Variants in MYO9A observed in about 807,000 individuals in gnomAD.
MYO9A encodes unconventional myosin-IXa.
A neutral mutation model predicts 293.3 loss-of-function variants in MYO9A; 103 were observed. The observed-to-expected ratio is 0.35, with a 90% CI of 0.30 to 0.41. MYO9A has a LOEUF of 0.41. MYO9A is among the 10% of genes least tolerant of loss of function. The pLI, the probability that MYO9A is intolerant of heterozygous loss-of-function variation, is 1.00. For missense variants in MYO9A, 2,685 were observed against 3,033.0 expected (o/e 0.89, Z 2.69); for synonymous variants, 1,001 against 1,035.7 (o/e 0.97, Z 0.64).
chr15:71,849,073 A>AT (rs2055517953), intron 38 of MYO9A, 105 bp from the exon 39 acceptor site: 1 of 1,088,192 alleles, frequency 9.2e-7, no homozygotes, highest in Non-Finnish European at 1.3e-6. Context: ...GAAGGAAAAA[A>AT]TTAACATCCC....
chr15:72,084,289 T>A (rs2079644115), intron 1 of MYO9A, among the ~76,000 whole-genome samples: 1 of 152,222 alleles, frequency 6.6e-6, no homozygotes, highest in Non-Finnish European at 1.5e-5. Flanking sequence ...TAAATTGTTT[T>A]GTTTGAAATT....
At chr15:71,881,770 T>C (rs898361102) in intron 28 of MYO9A, among the ~76,000 whole-genome samples, 1 of 152,220 alleles carries the variant, frequency 6.6e-6, no homozygotes, top group Non-Finnish European at 1.5e-5. Flanking sequence ...AGTCTGCTTA[T>C]AATATGAATT....
At position 71,905,024 on chromosome 15, in the gene MYO9A, A is replaced by G. The variant is rs2057589792; in HGVS notation, c.2686-18T>C. The G allele has an allele frequency of 1.3e-6, 2 of 1,581,002 alleles. No homozygotes were observed. The highest frequency in any genetic ancestry group is 1.7e-6 in the Non-Finnish European group (2 of 1,156,290). On this transcript the variant is annotated intron_variant, in intron 19 of 41. Coordinates refer to ENST00000356056, the MANE Select transcript of MYO9A (RefSeq NM_006901.4). The stretch of plus-strand genomic sequence containing the variant: ...AATGATGCCTGCAACAGAAAGCAAT[A>G]TAATTATCATACTCTTCCATTCCAA...
chr15:71,929,222 GT>G (rs2058411248), intron 18 of MYO9A, among the ~76,000 whole-genome samples: 1 of 152,050 alleles, frequency 6.6e-6, no homozygotes, highest in African/African-American at 2.4e-5. Flanking sequence ...ACATTATGTT[GT>G]TGACAACCAC....
chr15:72,081,396 A>T (rs922496023), intron 1 of MYO9A, among the ~76,000 whole-genome samples: 1 of 151,988 alleles, frequency 6.6e-6, no homozygotes, highest in African/African-American at 2.4e-5. Flanking sequence ...TCCTTTACCC[A>T]CTTTTTAGCG....
chr15:72,014,739 GAGAAAGAAAGGAA>G (rs1031023853), intron 6 of MYO9A, among the ~76,000 whole-genome samples: 33 of 143,282 alleles, frequency 2.3e-4, no homozygotes, highest in African/African-American at 6.7e-4. Context: ...GAGAGAGAGA[GAGAAAGAAAGGAA>G]AGAAAGAAAG....
intron 6 of MYO9A, among the ~76,000 whole-genome samples, chr15:72,013,642 TA>T (rs1242415279): frequency 2.6e-5 from 4 of 152,166 alleles, no homozygotes; most frequent in Non-Finnish European, 5.9e-5. Context: ...GCTCTTTCTG[TA>T]AGGTGACACA....
At chr15:71,946,758 G>A (rs981767110) in intron 15 of MYO9A, among the ~76,000 whole-genome samples, 2 of 152,190 alleles carry the variant, frequency 1.3e-5, no homozygotes, top group Non-Finnish European at 2.9e-5. Context: ...TTTCCACATC[G>A]CAGAAAGTTC....
At position 71,850,043 on chromosome 15, in the gene MYO9A, T is replaced by C; in HGVS notation, c.6706A>G (p.Thr2236Ala). The C allele has an allele frequency of 6.2e-7, 1 of 1,613,970 alleles. No individual in the cohort carries two copies. The highest frequency in any genetic ancestry group is 8.5e-7 in the Non-Finnish European group (1 of 1,179,868). The change falls in exon 38 of 42, where the codon ACT becomes GCT. Residue 2236 changes from threonine to alanine, a missense_variant. Transcript: ENST00000356056. ...PLQSVQDISK[T>A]TTCVELIVVE... ...TATGGTAACTGGCCTTACGTGGTAG[T>C]CTTACTGATGTCCTGTACACTTTGT...
intron 24 of MYO9A, 141 bp from the exon 25 acceptor site, chr15:71,899,173 G>A: frequency 2.7e-6 from 2 of 749,954 alleles, no homozygotes; most frequent in Non-Finnish European, 4.2e-6. Flanking sequence ...TAACTTGAAT[G>A]CACATTTCAT....
At chr15:71,974,200 C>T (rs2076082010) in intron 12 of MYO9A, among the ~76,000 whole-genome samples, 1 of 152,068 alleles carries the variant, frequency 6.6e-6, no homozygotes, top group Admixed American at 6.5e-5. Context: ...GTACAGCCTA[C>T]CATGTCCAAC....
At chr15:71,983,465 T>C (rs76965883) in intron 11 of MYO9A, among the ~76,000 whole-genome samples, 2,351 of 149,442 alleles carry the variant, frequency 0.016, 30 homozygotes, top group Non-Finnish European at 0.026. Context: ...TTATTTTTTT[T>C]ATTTCTTTTT....
At chr15:71,943,993 A>G (rs1315364868) in intron 15 of MYO9A, among the ~76,000 whole-genome samples, 4 of 152,142 alleles carry the variant, frequency 2.6e-5, no homozygotes, top group African/African-American at 9.6e-5. Context: ...AGACAGTAGG[A>G]GAGCTCCAGT....
intron 11 of MYO9A, among the ~76,000 whole-genome samples, chr15:71,980,035 G>A (rs761138348): frequency 4.6e-5 from 7 of 151,624 alleles, no homozygotes; most frequent in Non-Finnish European, 1.5e-5. Flanking sequence ...TTTTTTAAGA[G>A]ACAGGATCTC....
At chr15:71,870,375 T>C (rs1369048464) in intron 32 of MYO9A, among the ~76,000 whole-genome samples, 1 of 152,186 alleles carries the variant, frequency 6.6e-6, no homozygotes, top group African/African-American at 2.4e-5. Context: ...ATTTAGGGAA[T>C]AGTAATTGTT....
At chr15:71,919,583 C>T (rs923554627) in intron 18 of MYO9A, among the ~76,000 whole-genome samples, 2 of 151,812 alleles carry the variant, frequency 1.3e-5, no homozygotes, top group African/African-American at 4.8e-5. Flanking sequence ...AAATACCTAG[C>T]AACTGGCCAG....
intron 1 of MYO9A, among the ~76,000 whole-genome samples, chr15:72,112,442 C>A (rs1004813051): frequency 6.6e-6 from 1 of 152,166 alleles, no homozygotes; most frequent in Admixed American, 6.5e-5. Context: ...AGCATATTTA[C>A]CACTCATAAT....
intron 1 of MYO9A, among the ~76,000 whole-genome samples, chr15:72,100,386 T>C (rs1379330263): frequency 6.6e-6 from 1 of 152,100 alleles, no homozygotes; most frequent in East Asian, 1.9e-4. Flanking sequence ...TACAACCCCG[T>C]CTGGGAAGTG....
chr15:72,022,090 C>G (rs1385151121), intron 4 of MYO9A, among the ~76,000 whole-genome samples: 1 of 151,928 alleles, frequency 6.6e-6, no homozygotes, highest in African/African-American at 2.4e-5. Flanking sequence ...TAGCCACACT[C>G]AAAAAAGAAT....
Sources: gnomAD v4.1 joint callset for allele counts (sites outside exome capture counted in the v4.1 genomes callset) on GRCh38, gnomAD v4.1.1 for gene constraint, MANE v1.5 for transcripts, NCBI Gene and HGNC (gene_info 2026-07-23, HGNC 2026-07-21) for gene names.